MRC2: variants seen among roughly 807,000 people sequenced by gnomAD.
MRC2 encodes the protein mannose receptor C-type 2.
A neutral mutation model predicts 206.2 loss-of-function variants in MRC2; 84 were observed. The ratio of observed to expected loss-of-function variants is 0.41; its 90% CI spans 0.34 to 0.49. The LOEUF is 0.49. Ranked by LOEUF, MRC2 falls within the 20% of genes least tolerant of loss-of-function variation. The pLI is 0.31. For missense variants in MRC2, 1,676 were observed against 2,001.5 expected (o/e 0.84, Z 3.10); for synonymous variants, 798 against 800.0 (o/e 1.00, Z 0.04).
chr17:62,648,179 G>A lies in MRC2; in HGVS notation c.119-16369G>A, dbSNP rs146439255. Reference sequence around the variant, plus strand: ...AGCACTTTGAGAGGCCCAGGCGGGCGGATCACTTGAGGTCAGGAGTTCGAG... The same window carrying A: ...AGCACTTTGAGAGGCCCAGGCGGGCAGATCACTTGAGGTCAGGAGTTCGAG... On this transcript the variant is annotated intron_variant, in intron 1 of 29. Coordinates refer to ENST00000303375, the MANE Select transcript of MRC2 (RefSeq NM_006039.5). Among the ~76,000 whole-genome samples the A allele has an allele frequency of 5.4e-3, 820 of 152,290 alleles. 13 individuals are homozygous for A. Among genetic ancestry groups the A allele is most frequent in the African/African-American group, 0.019 (781 of 41,568 alleles).
At chr17:62,690,123 G>T in intron 25 of MRC2, 33 bp from the exon 26 acceptor site, 2 of 1,586,840 alleles carry the variant, frequency 1.3e-6, no homozygotes, top group Non-Finnish European at 1.7e-6. Flanking sequence ...CGGGGAGGGT[G>T]CTGAGCCACT....
chr17:62,676,554 C>T (rs1423207893), intron 11 of MRC2, 23 bp downstream of exon 11: 1 of 1,559,666 alleles, frequency 6.4e-7, no homozygotes, highest in African/African-American at 1.4e-5. Flanking sequence ...TTTGACTTGC[C>T]TTGGTGAAGC....
intron 6 of MRC2, among the ~76,000 whole-genome samples, chr17:62,668,694 T>C (rs985242450): frequency 3.9e-5 from 6 of 152,162 alleles, no homozygotes; most frequent in Non-Finnish European, 8.8e-5. Context: ...TGGGCCAAGT[T>C]TGGGTGGGGC....
Position 62,692,441 on chromosome 17 carries a change from A to G in MRC2, c.4430A>G (p.Gln1477Arg), listed in dbSNP as rs191466123. ...GTGTCAGACATGGAAATGAATGAGC[A>G]ACAAGAATAGAGCCAGGCGCGTGGG... ...ILVSDMEMNE[Q>R]QE The change falls in exon 30 of 30, where the codon CAA becomes CGA. Residue 1477 changes from glutamine (Q) to arginine (R), a missense_variant. Transcript: ENST00000303375. The surrounding 1 kb of genome is among the most constrained non-coding windows in gnomAD (Gnocchi z 4.2). The G allele has an allele frequency of 1.3e-5, 20 of 1,562,720 alleles. No individual in the cohort carries two copies. Among genetic ancestry groups the G allele is most frequent in the Admixed American group, 1.9e-5 (1 of 51,878 alleles).
chr17:62,640,762 G>C (rs2088391987), intron 1 of MRC2, among the ~76,000 whole-genome samples: 1 of 150,768 alleles, frequency 6.6e-6, no homozygotes, highest in African/African-American at 2.4e-5. Context: ...TCGGCTCACT[G>C]CAAGCTCTGC....
chr17:62,666,266 G>A lies in MRC2; in HGVS notation c.693G>A (p.Lys231=), dbSNP rs1423871774. Residue 231 remains lysine (K), a splice_region_variant and synonymous_variant, in exon 3 of 30, where the codon AAG becomes AAA. Coordinates refer to ENST00000303375, the MANE Select transcript of MRC2 (RefSeq NM_006039.5). The surrounding 1 kb of genome is among the most constrained non-coding windows in gnomAD (Gnocchi z 5.0). ...KDERWGFCPI[K]SNDCETFWDK... is the part of the protein sequence containing the mutation. ...AGCGCTGGGGCTTCTGCCCCATCAAGAGTGAGAGCTGTTGGAGCCGTGGGG... is the reference window on the plus strand; with the variant it reads ...AGCGCTGGGGCTTCTGCCCCATCAAAAGTGAGAGCTGTTGGAGCCGTGGGG... The A allele has an allele frequency of 3.2e-6, 5 of 1,572,702 alleles. No individual in the cohort carries two copies. The highest frequency in any genetic ancestry group is 1.9e-5 in the Admixed American group (1 of 53,930).
At chr17:62,674,545 C>A (rs995297537) in intron 9 of MRC2, among the ~76,000 whole-genome samples, 2 of 152,166 alleles carry the variant, frequency 1.3e-5, no homozygotes, top group Non-Finnish European at 2.9e-5. Flanking sequence ...CCCTGTGCAC[C>A]GCCAGTCCTG....
chr17:62,690,405 T>C (rs2089092541), intron 26 of MRC2, 100 bp downstream of exon 26: 5 of 1,451,224 alleles, frequency 3.4e-6, no homozygotes, highest in African/African-American at 1.4e-5. Context: ...TCTCTACCCA[T>C]AGGCAGCACT....
chr17:62,631,599 T>C (rs2084216466), intron 1 of MRC2, among the ~76,000 whole-genome samples: 1 of 152,050 alleles, frequency 6.6e-6, no homozygotes, highest in Non-Finnish European at 1.5e-5. Flanking sequence ...CACCTCTCAA[T>C]GTGTCCCACC....
rs371948716 is a variant in MRC2 at position 62,681,006 on chromosome 17, G to A, written c.2634+46G>A. 4.9e-4 allele frequency: 788 copies of A among 1,612,044 alleles called. 6 individuals are homozygous for A. The highest frequency in any genetic ancestry group is 8.4e-4 in the South Asian group (76 of 91,012). On this transcript the variant is annotated intron_variant, in intron 17 of 29. Coordinates refer to ENST00000303375, the MANE Select transcript of MRC2 (RefSeq NM_006039.5). ...GGGGCTGCAGGCTGGGGGAGGGCAG[G>A]CCCGGGATGAGGGCAGGGGGCTGCC...
chr17:62,676,287 G>A (rs1443476201), intron 10 of MRC2, 96 bp from the exon 11 acceptor site: 3 of 1,499,962 alleles, frequency 2.0e-6, no homozygotes, highest in Admixed American at 2.0e-5. Flanking sequence ...TATTGGTCGG[G>A]TGCAGCACCC....
At chr17:62,674,260 G>A (rs749482936) in intron 9 of MRC2, 90 bp downstream of exon 9, 116 of 898,812 alleles carry the variant, frequency 1.3e-4, no homozygotes, top group Middle Eastern at 3.2e-4. Flanking sequence ...CTGCTGCCTC[G>A]CATGGCATCG....
At chr17:62,653,182 G>C (rs946961865) in intron 1 of MRC2, among the ~76,000 whole-genome samples, 2 of 152,170 alleles carry the variant, frequency 1.3e-5, no homozygotes, top group African/African-American at 2.4e-5. Context: ...CAGTTCCTCC[G>C]GCAAGGGGGG....
At chr17:62,681,013 A>T in intron 17 of MRC2, 49 bp from the exon 18 acceptor site, 1 of 1,612,340 alleles carries the variant, frequency 6.2e-7, no homozygotes, top group Non-Finnish European at 8.5e-7. Flanking sequence ...CAGGCCCGGG[A>T]TGAGGGCAGG....
chr17:62,677,473 G>A lies in MRC2; in HGVS notation c.2039G>A (p.Arg680Gln), dbSNP rs1240406715. 24 of 1,605,020 alleles carry A rather than the reference G, an allele frequency of 1.5e-5. No individual in the cohort carries two copies. The highest frequency in any genetic ancestry group is 4.5e-5 in the East Asian group (2 of 44,594). ...GGCTGGGCCTCGGACACCAAACTCC[G>A]GTATTGCTATAAGGTAGGGCAGCCT... The part of the protein sequence containing the change: ...PQGWASDTKL[R>Q]YCYKVFSSER... Residue 680 changes from arginine (R) to glutamine (Q), a missense_variant, in exon 12 of 30, where the codon CGG (arginine) becomes CAG (glutamine). Physicochemically the swap from Arg to Gln is conservative, Grantham distance 43. Around this residue, in one of 3 missense-constraint regions of MRC2, gnomAD observed 1,354 missense variants for 1,636.6 expected, o/e 0.83. Coordinates refer to ENST00000303375, the MANE Select transcript of MRC2 (RefSeq NM_006039.5).
At chr17:62,670,287 G>A (rs2088811669) in intron 6 of MRC2, among the ~76,000 whole-genome samples, 1 of 152,230 alleles carries the variant, frequency 6.6e-6, no homozygotes, top group African/African-American at 2.4e-5. Context: ...GGTCCTTGAG[G>A]CCCCTCGGGT....
rs755447517 is a variant in MRC2 at position 62,681,025 on chromosome 17, G to A, written c.2635-37G>A. ...GGGCAGGCCCGGGATGAGGGCAGGG[G>A]GCTGCCTACCCACACCTGCCCGCCT... On this transcript the variant is annotated intron_variant, in intron 17 of 29. Coordinates refer to ENST00000303375, the MANE Select transcript of MRC2 (RefSeq NM_006039.5). 8.1e-6 allele frequency: 13 copies of A among 1,612,634 alleles called. No homozygotes were observed. In the Admixed American group the frequency reaches 1.2e-4, roughly 14 times the overall value.
chr17:62,655,112 T>A (rs886604875), intron 1 of MRC2, among the ~76,000 whole-genome samples: 2 of 148,478 alleles, frequency 1.3e-5, no homozygotes, highest in African/African-American at 5.0e-5. Flanking sequence ...GGTGAAACCC[T>A]GTCTCTACTA....
At chr17:62,685,352 C>T (rs1192926408) in intron 20 of MRC2, among the ~76,000 whole-genome samples, 2 of 152,154 alleles carry the variant, frequency 1.3e-5, no homozygotes, top group African/African-American at 4.8e-5. Context: ...AATATAATTT[C>T]CTACCCAACT....
Sources: gnomAD v4.1 joint callset for allele counts (sites outside exome capture counted in the v4.1 genomes callset) on GRCh38, gnomAD v4.1.1 for gene constraint, gnomAD v4.1.1 regional missense constraint, Gnocchi (gnomAD v3.1) non-coding constraint, MANE v1.5 for transcripts, NCBI Gene and HGNC (gene_info 2026-07-23, HGNC 2026-07-21) for gene names.